POM121C: variants seen among roughly 807,000 people sequenced by gnomAD.
The protein encoded by POM121C is nuclear envelope pore membrane protein POM 121C.
A neutral mutation model predicts 66.4 loss-of-function variants in POM121C; 20 were observed. The observed-to-expected ratio is 0.30, with a 90% CI of 0.21 to 0.44. The LOEUF is 0.44. POM121C is among the 20% of genes least tolerant of loss of function. The pLI, the probability that POM121C is intolerant of heterozygous loss-of-function variation, is 1.00. For synonymous variants in POM121C, 286 were observed against 528.0 expected (o/e 0.54, Z 6.28); for missense variants, 580 against 1,225.7 (o/e 0.47, Z 7.87).
intron 10 of POM121C, 105 bp from the exon 11 acceptor site, chr7:75,424,733 T>G: frequency 6.8e-7 from 1 of 1,470,710 alleles, no homozygotes; most frequent in South Asian, 1.1e-5. Flanking sequence ...CCAAGCCAGC[T>G]GGATCACTTG....
At chr7:75,481,281 C>A (rs1427539791) in intron 1 of POM121C, among the ~76,000 whole-genome samples, 1 of 151,042 alleles carries the variant, frequency 6.6e-6, no homozygotes, top group Non-Finnish European at 1.5e-5. Flanking sequence ...TATTTGCTAT[C>A]ATATATATCA....
intron 9 of POM121C, 74 bp from the exon 10 acceptor site, chr7:75,425,269 C>T: frequency 2.1e-6 from 2 of 946,130 alleles, no homozygotes; most frequent in Non-Finnish European, 3.1e-6. Flanking sequence ...ACCCACTTCG[C>T]ATTTCACACT....
chr7:75,447,949 A>T (rs1278826646), intron 3 of POM121C, among the ~76,000 whole-genome samples: 2 of 149,764 alleles, frequency 1.3e-5, no homozygotes, highest in Non-Finnish European at 3.0e-5. Context: ...GTGTGAACCC[A>T]GGAGGTGGAG....
intron 3 of POM121C, among the ~76,000 whole-genome samples, chr7:75,464,657 T>C (rs1391324131): frequency 6.9e-6 from 1 of 145,518 alleles, no homozygotes; most frequent in Admixed American, 6.9e-5. Context: ...AGGAAAAAAA[T>C]AGAAATTATT....
intron 14 of POM121C, 70 bp downstream of exon 14, chr7:75,419,250 A>G (rs1487173756): frequency 9.8e-6 from 15 of 1,528,906 alleles, no homozygotes; most frequent in South Asian, 2.6e-5. Flanking sequence ...TCAGAGGGCC[A>G]GGAGCCTGCC....
chr7:75,473,909 C>T (rs1238679021), intron 3 of POM121C, among the ~76,000 whole-genome samples: 3 of 151,946 alleles, frequency 2.0e-5, no homozygotes, highest in African/African-American at 7.2e-5. Flanking sequence ...GGGATGGTCT[C>T]GATCTCCTGA....
intron 3 of POM121C, chr7:75,442,721 G>A (rs1172098324): frequency 3.9e-5 from 53 of 1,359,804 alleles, no homozygotes; most frequent in Non-Finnish European, 4.6e-5. Flanking sequence ...CGGAGACATC[G>A]CGGCTCCGCG....
In POM121C at chr7:75,428,969, C is replaced by G. The variant is rs9718348; in HGVS notation, c.481-2516G>C. 2.4e-3 allele frequency among the ~76,000 whole-genome samples: 354 copies of G among 148,776 alleles called. 2 individuals are homozygous for G. Among genetic ancestry groups the G allele is most frequent in the African/African-American group, 8.3e-3 (336 of 40,572 alleles). Reference sequence around the variant, plus strand: ...CTTCAAGGAAAAAAAAAAAAAAAAGCCAAAGGTGACTGTAATGATTAGCTA... The same window carrying G: ...CTTCAAGGAAAAAAAAAAAAAAAAGGCAAAGGTGACTGTAATGATTAGCTA... On this transcript the variant is annotated intron_variant, in intron 7 of 14. Transcript: ENST00000615331.
At chr7:75,424,786 C>T (rs1554471478) in intron 10 of POM121C, 158 bp from the exon 11 acceptor site, 3 of 1,235,432 alleles carry the variant, frequency 2.4e-6, no homozygotes, top group African/African-American at 3.0e-5. Flanking sequence ...TGGTGAAACC[C>T]CATCTCTACT....
At chr7:75,476,290 C>CAA (rs11426718) in intron 1 of POM121C, among the ~76,000 whole-genome samples, 2,896 of 116,416 alleles carry the variant, frequency 0.025, 53 homozygotes, top group Middle Eastern at 0.047. Flanking sequence ...GACCTTGTCT[C>CAA]AAAAAAAAAA....
chr7:75,434,410 G>A (rs587692625), intron 7 of POM121C, among the ~76,000 whole-genome samples: 1 of 151,868 alleles, frequency 6.6e-6, no homozygotes, highest in South Asian at 2.1e-4. Context: ...AAGTAGCTGG[G>A]ATTATAGGCA....
Position 75,441,663 on chromosome 7 carries a change from G to A in POM121C, c.-151-16C>T, listed in dbSNP as rs1790654546. 2 of 1,526,198 alleles carry A rather than the reference G, an allele frequency of 1.3e-6. No homozygotes were observed. The highest frequency in any genetic ancestry group is 1.2e-5 in the South Asian group (1 of 83,424). 94.5% of individuals were successfully genotyped at this position (1,526,198 alleles called of 1,614,324 possible). A position where few individuals can be genotyped will look rare whatever the true frequency, so the allele number is the denominator to read the frequency against. On this transcript the variant is annotated splice_polypyrimidine_tract_variant and intron_variant, in intron 3 of 14. Coordinates refer to ENST00000615331, the MANE Select transcript of POM121C (RefSeq NM_001099415.3). ...CCCACGATCCCTGCAGAGAATGCGA[G>A]ACAAATCATGGAAACAAAGTATAAA...
intron 3 of POM121C, among the ~76,000 whole-genome samples, chr7:75,467,637 G>A (rs1554478059): frequency 1.3e-5 from 2 of 151,302 alleles, no homozygotes; most frequent in South Asian, 4.2e-4. Context: ...TGGAATACCC[G>A]TCTCTGACAT....
At position 75,417,203 on chromosome 7, in the gene POM121C, T is replaced by C. The variant is rs1789504190; in HGVS notation, c.*1593A>G. 1.0e-6 allele frequency: 1 copy of C among 959,706 alleles called. No individual in the cohort carries two copies. Among genetic ancestry groups the C allele is most frequent in the Admixed American group, 5.7e-5 (1 of 17,476 alleles). The allele number at this position is 959,706 out of a possible 1,614,324, so 59.4% of individuals were successfully genotyped here. A position where few individuals can be genotyped will look rare whatever the true frequency, so the allele number is the denominator to read the frequency against. ...ACGGGGAGGGGGCACCGGTTACATC[T>C]ACATCACATTATTTATAAAATAAGA... On this transcript the variant is annotated 3_prime_UTR_variant, in exon 15 of 15. Transcript: ENST00000615331.
rs1188714962 is a variant in POM121C, at chr7:75,424,288, C to T, written c.872-63G>A. ...CTGGGACTTCTTTCCACATGCCTGT[C>T]GGAGAGCAGGCTCTCAGCACAGCTC... On this transcript the variant is annotated intron_variant, in intron 11 of 14. Transcript: ENST00000615331. 1.0e-5 allele frequency: 16 copies of T among 1,578,930 alleles called. 1 individual carries two copies. The highest frequency in any genetic ancestry group is 1.7e-5 in the Admixed American group (1 of 59,186).
intron 3 of POM121C, among the ~76,000 whole-genome samples, chr7:75,448,130 G>T (rs1249704042): frequency 6.6e-6 from 1 of 152,060 alleles, no homozygotes; most frequent in Admixed American, 6.5e-5. Flanking sequence ...GAGCTGGGAG[G>T]TTCACTTGAG....
chr7:75,430,040 G>C (rs1563140430), intron 7 of POM121C, among the ~76,000 whole-genome samples: 1 of 152,166 alleles, frequency 6.6e-6, no homozygotes, highest in Non-Finnish European at 1.5e-5. Flanking sequence ...GACATTCCAT[G>C]TTCATAGATT....
rs1401375525 is a variant in POM121C at position 75,486,237 on chromosome 7, G to C, written c.-831C>G. The stretch of plus-strand genomic sequence containing the variant: ...CAGACTCGGTGATTCTCGTCCACTA[G>C]AAGCCAAAGCCTGGGAACGAGAGCA... On this transcript the variant is annotated 5_prime_UTR_variant, in exon 1 of 15. Coordinates refer to ENST00000615331, the MANE Select transcript of POM121C (RefSeq NM_001099415.3). 1 of 283,644 alleles carries C rather than the reference G, an allele frequency of 3.5e-6. No individual in the cohort carries two copies. Among genetic ancestry groups the C allele is most frequent in the African/African-American group, 2.4e-5 (1 of 42,002 alleles). 17.6% of individuals were successfully genotyped at this position (283,644 alleles called of 1,614,324 possible).
chr7:75,471,945 G>A (rs1791895732), intron 3 of POM121C, among the ~76,000 whole-genome samples: 1 of 152,034 alleles, frequency 6.6e-6, no homozygotes, highest in Non-Finnish European at 1.5e-5. Context: ...GAGTGCAGCG[G>A]TGTGATCTCC....
Sources: gnomAD v4.1 joint callset for allele counts (sites outside exome capture counted in the v4.1 genomes callset) on GRCh38, gnomAD v4.1.1 for gene constraint, MANE v1.5 for transcripts, NCBI Gene and HGNC (gene_info 2026-07-23, HGNC 2026-07-21) for gene names.